The following WNT8B variants were observed in gnomAD, a reference collection of about 807,000 sequenced individuals.
The protein encoded by WNT8B is Wnt family member 8B.
A neutral mutation model predicts 36.6 loss-of-function variants in WNT8B; 24 were observed. That is an observed-to-expected ratio of 0.66 (90% CI 0.48 to 0.92). The LOEUF (loss-of-function observed/expected upper bound fraction) is 0.92, where lower values mean the gene tolerates loss of function less well. WNT8B is among the 40% of genes least tolerant of loss of function. WNT8B has a pLI of 0.00. For synonymous variants in WNT8B, 199 were observed against 189.8 expected (o/e 1.05, Z -0.40); for missense variants, 402 against 470.8 (o/e 0.85, Z 1.35).
Position 100,481,907 on chromosome 10 carries a change from T to C in WNT8B, c.368-5T>C. The C allele has an allele frequency of 1.9e-6, 3 of 1,614,054 alleles. No individual in the cohort carries two copies. The highest frequency in any genetic ancestry group is 1.7e-6 in the Non-Finnish European group (2 of 1,179,996). ...ATGACCTGTCCTCCCTCTGCACTTTTCCAGGGGGACAAGGCTGGCTGTGGG... is the reference window on the plus strand; with the variant it reads ...ATGACCTGTCCTCCCTCTGCACTTTCCCAGGGGGACAAGGCTGGCTGTGGG... On this transcript the variant is annotated splice_region_variant and splice_polypyrimidine_tract_variant and intron_variant, in intron 4 of 5. Coordinates refer to ENST00000343737, the MANE Select transcript of WNT8B (RefSeq NM_003393.4).
Position 100,482,168 on chromosome 10 carries a change from G to A in WNT8B, c.511-103G>A. 6.4e-7 allele frequency: 1 copy of A among 1,551,800 alleles called. No individual in the cohort carries two copies. The highest frequency in any genetic ancestry group is 8.7e-7 in the Non-Finnish European group (1 of 1,150,760). ...GATTGGCAAAATGAGGTACCAAGTG[G>A]GCTGGCCCAGTAGACTAACTAGACT... On this transcript the variant is annotated intron_variant, in intron 5 of 5. Coordinates refer to ENST00000343737, the MANE Select transcript of WNT8B (RefSeq NM_003393.4). This position sits in a 1 kb window ranked among gnomAD's most constrained non-coding sequence, Gnocchi z 6.6.
intron 1 of WNT8B, among the ~76,000 whole-genome samples, chr10:100,471,135 G>C (rs1032284430): frequency 6.6e-6 from 1 of 152,236 alleles, no homozygotes; most frequent in Non-Finnish European, 1.5e-5. Context: ...TGGTAGCCTA[G>C]GAGCAATAGG....
rs761719117 is a variant in WNT8B, at chr10:100,482,724, G to A, written c.964G>A (p.Glu322Lys). 1.2e-6 allele frequency: 2 copies of A among 1,607,594 alleles called. No homozygotes were observed. Among genetic ancestry groups the A allele is most frequent in the East Asian group, 2.2e-5 (1 of 44,722 alleles). ...CCACTGGTGCTGCGCAGTCCGCTGC[G>A]AGCAGTGCCGCCGGAGGGTCACCAA... Reference protein sequence around the residue: ...KFHWCCAVRCEQCRRRVTKYF... With the variant: ...KFHWCCAVRCKQCRRRVTKYF... Residue 322 changes from glutamate to lysine, a missense_variant, in exon 6 of 6, where the codon GAG becomes AAG. Glu to Lys is a moderately conservative substitution (Grantham distance 56, BLOSUM62 1). This residue lies in a region of WNT8B where 256 missense variants were observed against 278.6 expected (regional missense o/e 0.92). Coordinates refer to ENST00000343737, the MANE Select transcript of WNT8B (RefSeq NM_003393.4). This position sits in a 1 kb window ranked among gnomAD's most constrained non-coding sequence, Gnocchi z 6.6.
rs1398122869 is a variant in WNT8B at position 100,483,672 on chromosome 10, C to T, written c.*856C>T. 6.6e-6 allele frequency: 1 copy of T among 152,242 alleles called. No homozygotes were observed. Among genetic ancestry groups the T allele is most frequent in the East Asian group, 1.9e-4 (1 of 5,196 alleles). The allele number at this position is 152,242 out of a possible 1,614,324, so 9.4% of individuals were successfully genotyped here. Reference sequence around the variant, plus strand: ...CTTTACCTCTTCTTCTCCAAAGGATCTTTGTTCCTCTGAGCCAAGACTGAG... The same window carrying T: ...CTTTACCTCTTCTTCTCCAAAGGATTTTTGTTCCTCTGAGCCAAGACTGAG... On this transcript the variant is annotated 3_prime_UTR_variant, in exon 6 of 6. Transcript: ENST00000343737.
At chr10:100,469,693 G>A (rs1220132280) in intron 1 of WNT8B, among the ~76,000 whole-genome samples, 1 of 152,238 alleles carries the variant, frequency 6.6e-6, no homozygotes, top group Non-Finnish European at 1.5e-5. Flanking sequence ...CCTACTTTCT[G>A]TGTAACTGTG....
intron 4 of WNT8B, among the ~76,000 whole-genome samples, chr10:100,481,368 G>T (rs1851108577): frequency 6.6e-6 from 1 of 152,160 alleles, no homozygotes; most frequent in African/African-American, 2.4e-5. Context: ...ACACTCTGGG[G>T]ATTCCTCTGT....
chr10:100,470,600 C>T (rs995128485), intron 1 of WNT8B, among the ~76,000 whole-genome samples: 11 of 151,846 alleles, frequency 7.2e-5, no homozygotes, highest in South Asian at 2.1e-4. Context: ...AGAAATACTA[C>T]GTAAAGATTT....
At chr10:100,463,511 G>C (rs1258352491) in intron 1 of WNT8B, among the ~76,000 whole-genome samples, 1 of 152,154 alleles carries the variant, frequency 6.6e-6, no homozygotes, top group African/African-American at 2.4e-5. Flanking sequence ...GGGGTAAATG[G>C]ACAGCAGCCC....
At position 100,479,979 on chromosome 10, in the gene WNT8B, C is replaced by T; in HGVS notation, c.208C>T (p.Leu70=). 1 of 1,613,828 alleles carries T rather than the reference C, an allele frequency of 6.2e-7. No individual in the cohort carries two copies. The highest frequency in any genetic ancestry group is 8.5e-7 in the Non-Finnish European group (1 of 1,179,886). Reference sequence around the variant, plus strand: ...CCGCTGGAACTGCCCTGAGAGAGCCCTGCAGCTGTCCAGCCATGGTGGGCT... The same window carrying T: ...CCGCTGGAACTGCCCTGAGAGAGCCTTGCAGCTGTCCAGCCATGGTGGGCT... ...WDRWNCPERA[L]QLSSHGGLRS... Residue 70 remains leucine (L), a synonymous_variant, in exon 3 of 6, where the codon CTG becomes TTG. Transcript: ENST00000343737.
chr10:100,479,123 A>C lies in WNT8B; in HGVS notation c.102+38A>C, dbSNP rs369672752. 7 of 1,558,910 alleles carry C rather than the reference A, an allele frequency of 4.5e-6. No individual in the cohort carries two copies. The African/African-American group carries it at 9.7e-5, about 22-fold the overall frequency. On this transcript the variant is annotated intron_variant, in intron 2 of 5. Transcript: ENST00000343737. ...TCCATTAATTGATATGGATTTCACT[A>C]ATCTTAGCCTGTTGACTAAAGATGA...
intron 1 of WNT8B, among the ~76,000 whole-genome samples, chr10:100,477,456 C>T (rs1030237127): frequency 1.3e-5 from 2 of 151,812 alleles, no homozygotes; most frequent in African/African-American, 4.8e-5. Context: ...CCCACCACCA[C>T]GCCTGGCTAA....
intron 1 of WNT8B, among the ~76,000 whole-genome samples, chr10:100,476,653 G>A (rs1038652172): frequency 1.3e-5 from 2 of 152,112 alleles, no homozygotes; most frequent in Admixed American, 1.3e-4. Flanking sequence ...GAAAAACAAA[G>A]ATAATAGATA....
At position 100,482,400 on chromosome 10, in the gene WNT8B, G is replaced by C; in HGVS notation, c.640G>C (p.Ala214Pro). The C allele has an allele frequency of 6.2e-7, 1 of 1,607,290 alleles. No individual in the cohort carries two copies. Among genetic ancestry groups the C allele is most frequent in the Non-Finnish European group, 8.5e-7 (1 of 1,179,968 alleles). The change falls in exon 6 of 6, where the codon GCA (alanine) becomes CCA (proline). Residue 214 changes from alanine to proline, a missense_variant. Coordinates refer to ENST00000343737, the MANE Select transcript of WNT8B (RefSeq NM_003393.4). The surrounding 1 kb of genome is among the most constrained non-coding windows in gnomAD (Gnocchi z 6.6). ...CGCGCACCTGAAGGAGAAGTACCAC[G>C]CAGCACTCAAGGTGGACCTGCTGCA... ...VGAHLKEKYHAALKVDLLQGA... is the reference protein window; with the variant it reads ...VGAHLKEKYHPALKVDLLQGA...
chr10:100,481,903 C>A lies in WNT8B; in HGVS notation c.368-9C>A, dbSNP rs139539142. The A allele has an allele frequency of 6.2e-7, 1 of 1,613,878 alleles. No homozygotes were observed. The highest frequency in any genetic ancestry group is 8.5e-7 in the Non-Finnish European group (1 of 1,179,972). The stretch of plus-strand genomic sequence containing the variant: ...CTCAATGACCTGTCCTCCCTCTGCA[C>A]TTTTCCAGGGGGACAAGGCTGGCTG... On this transcript the variant is annotated splice_polypyrimidine_tract_variant and intron_variant, in intron 4 of 5. Coordinates refer to ENST00000343737, the MANE Select transcript of WNT8B (RefSeq NM_003393.4).
intron 1 of WNT8B, among the ~76,000 whole-genome samples, chr10:100,467,318 C>T (rs527304268): frequency 2.0e-5 from 3 of 152,234 alleles, no homozygotes; most frequent in South Asian, 2.1e-4. Context: ...AGTCCAAACT[C>T]GCTTTTTAAA....
chr10:100,477,693 C>A (rs534805454), intron 1 of WNT8B, among the ~76,000 whole-genome samples: 1 of 152,086 alleles, frequency 6.6e-6, no homozygotes, highest in African/African-American at 2.4e-5. Context: ...GTACAAATTT[C>A]TGAGTGAAAG....
rs1427603228 is a variant in WNT8B, at chr10:100,463,085, T to C, written c.-84T>C. 36 of 1,293,350 alleles carry C rather than the reference T, an allele frequency of 2.8e-5. No individual in the cohort carries two copies. Among genetic ancestry groups the C allele is most frequent in the Non-Finnish European group, 3.4e-5 (31 of 901,022 alleles). The allele number at this position is 1,293,350 out of a possible 1,614,324, so 80.1% of individuals were successfully genotyped here. A position where few individuals can be genotyped will look rare whatever the true frequency, so the allele number is the denominator to read the frequency against. ...TTGGGCTTTGAGAATTCCATCCCAC[T>C]GGCACTGAGGAGAATATTTCTCCGT... is the stretch of plus-strand genomic sequence containing the variant. On this transcript the variant is annotated 5_prime_UTR_variant, in exon 1 of 6. Transcript: ENST00000343737.
intron 1 of WNT8B, among the ~76,000 whole-genome samples, chr10:100,471,278 C>T (rs1474132587): frequency 1.3e-5 from 2 of 152,240 alleles, no homozygotes; most frequent in Non-Finnish European, 2.9e-5. Context: ...TGAAGCCACA[C>T]ACTGTATCCC....
In WNT8B at chr10:100,483,036, G is replaced by A; in HGVS notation, c.*220G>A. 19 of 504,856 alleles carry A rather than the reference G, an allele frequency of 3.8e-5. No individual in the cohort carries two copies. Among genetic ancestry groups the A allele is most frequent in the Admixed American group, 1.2e-4 (3 of 25,780 alleles). The allele number at this position is 504,856 out of a possible 1,614,324, so 31.3% of individuals were successfully genotyped here. On this transcript the variant is annotated 3_prime_UTR_variant, in exon 6 of 6. Transcript: ENST00000343737. Reference sequence around the variant, plus strand: ...TCTGAATCCTCGCAGCCACACCTAGGTCTGAGAACTCAGGCTTTGAGTTAC... The same window carrying A: ...TCTGAATCCTCGCAGCCACACCTAGATCTGAGAACTCAGGCTTTGAGTTAC...
Sources: gnomAD v4.1 joint callset for allele counts (sites outside exome capture counted in the v4.1 genomes callset) on GRCh38, gnomAD v4.1.1 for gene constraint, gnomAD v4.1.1 regional missense constraint, Gnocchi (gnomAD v3.1) non-coding constraint, MANE v1.5 for transcripts, NCBI Gene and HGNC (gene_info 2026-07-23, HGNC 2026-07-21) for gene names.